The following XRCC4 variants were observed in gnomAD, a reference collection of about 807,000 sequenced individuals.
XRCC4 encodes the protein X-ray repair cross complementing 4, also known as DNA repair protein XRCC4.
Under a neutral mutation model 39.1 loss-of-function variants are expected in XRCC4, and 28 were observed. That is an observed-to-expected ratio of 0.72 (90% CI 0.53 to 0.98). The LOEUF (loss-of-function observed/expected upper bound fraction) is 0.98. Among genes scored for constraint, XRCC4 ranks in the 50% least tolerant of loss-of-function variants. XRCC4 has a pLI of 0.00. For missense variants in XRCC4, 350 were observed against 376.4 expected, an observed-to-expected ratio of 0.93 and a Z score of 0.58; for synonymous variants, 123 against 126.4, an observed-to-expected ratio of 0.97 and a Z score of 0.18.
In XRCC4 at chr5:83,185,958, A is replaced by AC. The variant is rs571417009; in HGVS notation, c.316-9810dup. 1.5e-4 allele frequency among the ~76,000 whole-genome samples: 23 copies of AC among 152,286 alleles called. 1 individual carries two copies. In the East Asian group the frequency reaches 4.4e-3, roughly 29 times the overall value. On this transcript the variant is annotated intron_variant, in intron 3 of 7. Transcript: ENST00000396027. ...ACTGCTCCACAAGTAATATTGCCAA[A>AC]CCAGAAAAATACTTGCAGCATGTAT...
intron 7 of XRCC4, among the ~76,000 whole-genome samples, chr5:83,297,002 A>G (rs1190645824): frequency 1.3e-5 from 2 of 152,004 alleles, no homozygotes; most frequent in Non-Finnish European, 2.9e-5. Flanking sequence ...AGATTGTACA[A>G]AAACCTTGAG....
chr5:83,361,817 T>G, the XRCC4 span, among the ~76,000 whole-genome samples: 509 of 152,182 alleles, frequency 3.3e-3, 15 homozygotes, highest in East Asian at 0.076. Context: ...AGATGGGGTT[T>G]CACCAGGTTG....
chr5:83,332,607 T>G (rs1756473576), intron 7 of XRCC4, among the ~76,000 whole-genome samples: 1 of 152,240 alleles, frequency 6.6e-6, no homozygotes, highest in South Asian at 2.1e-4. Context: ...GTAAATGCTG[T>G]ACATGGACTT....
At chr5:83,273,608 G>A (rs535398749) in intron 7 of XRCC4, among the ~76,000 whole-genome samples, 1 of 152,262 alleles carries the variant, frequency 6.6e-6, no homozygotes, top group South Asian at 2.1e-4. Flanking sequence ...GTGTAAGGAA[G>A]GGATCTAGTT....
chr5:83,194,944 G>A (rs2112698190), intron 3 of XRCC4, among the ~76,000 whole-genome samples: 1 of 152,158 alleles, frequency 6.6e-6, no homozygotes, highest in East Asian at 1.9e-4. Context: ...TTATATTTTT[G>A]CTACACTTGA....
At chr5:83,175,053 A>G (rs190438043) in intron 3 of XRCC4, among the ~76,000 whole-genome samples, 2 of 152,312 alleles carry the variant, frequency 1.3e-5, no homozygotes, top group East Asian at 3.9e-4. Flanking sequence ...TTGAATTTCA[A>G]GTTTTCTTGT....
chr5:83,176,388 C>T (rs899000459), intron 3 of XRCC4, among the ~76,000 whole-genome samples: 1 of 151,928 alleles, frequency 6.6e-6, no homozygotes, highest in Non-Finnish European at 1.5e-5. Context: ...ATGAAGGTGC[C>T]ACCTCTTATG....
At chr5:83,165,509 A>C (rs1043536859) in intron 3 of XRCC4, among the ~76,000 whole-genome samples, 5 of 152,284 alleles carry the variant, frequency 3.3e-5, no homozygotes, top group Middle Eastern at 3.4e-3. Flanking sequence ...TCAGTGTTAC[A>C]TGTGCAGCTT....
At chr5:83,090,351 G>GC (rs1015389083) in intron 1 of XRCC4, among the ~76,000 whole-genome samples, 1 of 151,590 alleles carries the variant, frequency 6.6e-6, no homozygotes, top group Non-Finnish European at 1.5e-5. Flanking sequence ...GGTTGGGGGG[G>GC]GCTCCCTGCA....
Position 83,242,307 on chromosome 5 carries a change from C to T in XRCC4, c.746-16223C>T, listed in dbSNP as rs371075011. Among the ~76,000 whole-genome samples the T allele has an allele frequency of 1.8e-3, 272 of 152,052 alleles. 2 individuals carry two copies. Among genetic ancestry groups the T allele is most frequent in the South Asian group, 0.012 (56 of 4,804 alleles). On this transcript the variant is annotated intron_variant, in intron 6 of 7. Transcript: ENST00000396027. ...GTGTTTTGCTTCATGGATATTTATTCTGTTTCTCACTTTTGCTAAATGTAT... is the reference window on the plus strand; with the variant it reads ...GTGTTTTGCTTCATGGATATTTATTTTGTTTCTCACTTTTGCTAAATGTAT...
At chr5:83,296,594 AT>A (rs541902962) in intron 7 of XRCC4, among the ~76,000 whole-genome samples, 1 of 152,130 alleles carries the variant, frequency 6.6e-6, no homozygotes, top group East Asian at 1.9e-4. Context: ...TATTTATTTT[AT>A]TTTTTGTGGT....
At chr5:83,107,905 TATG>T (rs770271194) in intron 2 of XRCC4, among the ~76,000 whole-genome samples, 4 of 151,868 alleles carry the variant, frequency 2.6e-5, no homozygotes, top group Non-Finnish European at 5.9e-5. Context: ...ATCCTAATGG[TATG>T]ATAAGACTGT....
At chr5:83,158,123 A>T (rs927647521) in intron 3 of XRCC4, among the ~76,000 whole-genome samples, 1 of 152,070 alleles carries the variant, frequency 6.6e-6, no homozygotes, top group African/African-American at 2.4e-5. Context: ...ATAATTTGAA[A>T]AAAGCTAGTT....
chr5:83,268,958 T>C (rs1754045892), intron 7 of XRCC4, among the ~76,000 whole-genome samples: 1 of 152,220 alleles, frequency 6.6e-6, no homozygotes. Context: ...TATTGAAGTT[T>C]ATCTTGGGTT....
intron 7 of XRCC4, among the ~76,000 whole-genome samples, chr5:83,266,772 T>C (rs1753969497): frequency 1.3e-5 from 2 of 152,180 alleles, no homozygotes; most frequent in Non-Finnish European, 2.9e-5. Flanking sequence ...TGTTACTTTG[T>C]AAAATGTTAT....
chr5:83,353,461 G>A lies in XRCC4; in HGVS notation c.*219G>A. ...CACATTATTCTAAACTATTCATTCA[G>A]CATGCCTATAATTACATAAATTGTA... On this transcript the variant is annotated 3_prime_UTR_variant, in exon 8 of 8. Coordinates refer to ENST00000396027, the MANE Select transcript of XRCC4 (RefSeq NM_003401.5). 2.8e-6 allele frequency: 1 copy of A among 354,180 alleles called. No homozygotes were observed. The highest frequency in any genetic ancestry group is 7.6e-5 in the South Asian group (1 of 13,100). The allele number at this position is 354,180 out of a possible 1,614,324, so 21.9% of individuals were successfully genotyped here.
At chr5:83,106,051 C>A (rs1248377807) in intron 2 of XRCC4, among the ~76,000 whole-genome samples, 3 of 151,986 alleles carry the variant, frequency 2.0e-5, no homozygotes. Context: ...TGTAGGGATT[C>A]CTGTAAAATA....
At chr5:83,108,203 G>T (rs1201236038) in intron 2 of XRCC4, among the ~76,000 whole-genome samples, 1 of 151,862 alleles carries the variant, frequency 6.6e-6, no homozygotes, top group East Asian at 1.9e-4. Flanking sequence ...CTTGGTCACT[G>T]AAGTTTTAGA....
intron 3 of XRCC4, among the ~76,000 whole-genome samples, chr5:83,146,721 G>C (rs1459871264): frequency 1.3e-5 from 2 of 152,136 alleles, no homozygotes; most frequent in African/African-American, 4.8e-5. Flanking sequence ...TTACTAAAAA[G>C]TGACACACCC....
Sources: gnomAD v4.1 joint callset for allele counts (sites outside exome capture counted in the v4.1 genomes callset) on GRCh38, gnomAD v4.1.1 for gene constraint, MANE v1.5 for transcripts, NCBI Gene and HGNC (gene_info 2026-07-23, HGNC 2026-07-21) for gene names.